The following ATP2B1 variants were observed in gnomAD, a reference collection of about 807,000 sequenced individuals.
The protein encoded by ATP2B1 is plasma membrane calcium-transporting ATPase 1.
In ATP2B1, 14 loss-of-function variants were observed where a neutral mutation model predicts 124.2. That is an observed-to-expected ratio of 0.11 (90% CI 0.07 to 0.18). The LOEUF (loss-of-function observed/expected upper bound fraction) is 0.18, where lower values mean the gene tolerates loss of function less well. ATP2B1 is among the 10% of genes least tolerant of loss of function. The pLI, the probability that ATP2B1 is intolerant of heterozygous loss-of-function variation, is 1.00. For synonymous variants in ATP2B1, 449 were observed against 492.4 expected (o/e 0.91, Z 1.17); for missense variants, 763 against 1,466.1 (o/e 0.52, Z 7.83).
intron 1 of ATP2B1, among the ~76,000 whole-genome samples, chr12:89,686,788 G>A (rs750761056): frequency 1.1e-3 from 160 of 152,114 alleles, no homozygotes; most frequent in Middle Eastern, 6.8e-3. Context: ...ATGCACAGAT[G>A]CACATAAATT....
chr12:89,674,474 C>A (rs1888380994), intron 1 of ATP2B1, among the ~76,000 whole-genome samples: 1 of 151,990 alleles, frequency 6.6e-6, no homozygotes, highest in Admixed American at 6.6e-5. Flanking sequence ...GCAAACACAT[C>A]TCAAAGTACT....
At chr12:89,660,208 C>A (rs1886536321) in intron 1 of ATP2B1, among the ~76,000 whole-genome samples, 1 of 151,968 alleles carries the variant, frequency 6.6e-6, no homozygotes, top group African/African-American at 2.4e-5. Flanking sequence ...CTGAATGATT[C>A]GAAATTTTTG....
At chr12:89,645,804 C>T (rs977204838) in intron 2 of ATP2B1, among the ~76,000 whole-genome samples, 14 of 152,094 alleles carry the variant, frequency 9.2e-5, no homozygotes, top group African/African-American at 3.4e-4. Flanking sequence ...GGCATTCTCA[C>T]CTTAAAGTGC....
chr12:89,610,313 C>T (rs1877756283), intron 14 of ATP2B1, 108 bp downstream of exon 14: 1 of 969,586 alleles, frequency 1.0e-6, no homozygotes, highest in Non-Finnish European at 1.6e-6. Flanking sequence ...TTTATTAAAA[C>T]AGATGATATC....
rs1226908211 is a variant in ATP2B1, at chr12:89,589,282, T to C, written c.*1702A>G. On this transcript the variant is annotated 3_prime_UTR_variant, in exon 21 of 21. Coordinates refer to ENST00000428670, the MANE Select transcript of ATP2B1 (RefSeq NM_001366521.1). ...CGTAAACTTTATGTCAGCCTGAGGA[T>C]TGTGTATCTGGTGAAATCTGGGCCC... is the stretch of plus-strand genomic sequence containing the variant. 1 of 152,466 alleles carries C rather than the reference T, an allele frequency of 6.6e-6. No homozygotes were observed. The highest frequency in any genetic ancestry group is 2.4e-5 in the African/African-American group (1 of 41,400). The allele number at this position is 152,466 out of a possible 1,614,324, so 9.4% of individuals were successfully genotyped here.
At chr12:89,697,564 A>G (rs1891293475) in intron 1 of ATP2B1, among the ~76,000 whole-genome samples, 1 of 152,130 alleles carries the variant, frequency 6.6e-6, no homozygotes, top group African/African-American at 2.4e-5. Flanking sequence ...CAGATGACAT[A>G]TCTGGGTTAT....
chr12:89,604,462 TA>T, intron 15 of ATP2B1, 116 bp from the exon 16 acceptor site: 1 of 695,684 alleles, frequency 1.4e-6, no homozygotes, highest in South Asian at 2.4e-5. Context: ...AAATATTACT[TA>T]AATTTACACT....
intron 1 of ATP2B1, among the ~76,000 whole-genome samples, chr12:89,684,432 G>A (rs1008633099): frequency 2.0e-5 from 3 of 152,180 alleles, no homozygotes; most frequent in African/African-American, 7.2e-5. Flanking sequence ...GAAGAACCCT[G>A]TAAACTGGAC....
At chr12:89,707,801 G>T (rs1020507731) in intron 1 of ATP2B1, among the ~76,000 whole-genome samples, 1 of 152,096 alleles carries the variant, frequency 6.6e-6, no homozygotes, top group Non-Finnish European at 1.5e-5. Flanking sequence ...ACCAGGGGTC[G>T]CTAACCAGCT....
intron 1 of ATP2B1, among the ~76,000 whole-genome samples, chr12:89,659,379 C>CACACAG (rs1886396752): frequency 6.6e-6 from 1 of 151,822 alleles, no homozygotes. Context: ...CACACACACA[C>CACACAG]ACACGCACAA....
At chr12:89,660,324 A>G (rs1382537426) in intron 1 of ATP2B1, among the ~76,000 whole-genome samples, 1 of 152,236 alleles carries the variant, frequency 6.6e-6, no homozygotes, top group East Asian at 1.9e-4. Context: ...ATCTGGACAA[A>G]TGGGAATGAG....
At chr12:89,667,276 T>C (rs140215180) in intron 1 of ATP2B1, among the ~76,000 whole-genome samples, 2 of 152,334 alleles carry the variant, frequency 1.3e-5, no homozygotes, top group Non-Finnish European at 2.9e-5. Context: ...CTTAATTCTG[T>C]GTCACTTGAC....
rs1383474585 is a variant in ATP2B1, at chr12:89,677,993, C to T, written c.-221-21886G>A. Among the ~76,000 whole-genome samples the T allele has an allele frequency of 3.0e-4, 31 of 103,240 alleles. 1 individual carries two copies. The highest frequency in any genetic ancestry group is 4.9e-4 in the African/African-American group (14 of 28,676). The allele number at this position is 103,240 out of a possible 152,430, so 67.7% of individuals were successfully genotyped here. A position where few individuals can be genotyped will look rare whatever the true frequency, so the allele number is the denominator to read the frequency against. On this transcript the variant is annotated intron_variant, in intron 1 of 20. Transcript: ENST00000428670. Reference sequence around the variant, plus strand: ...ATATACACACACACACACACACACACACACACACACACACACACACACACA... The same window carrying T: ...ATATACACACACACACACACACACATACACACACACACACACACACACACA...
intron 3 of ATP2B1, among the ~76,000 whole-genome samples, chr12:89,635,805 C>A (rs1319953643): frequency 6.6e-6 from 1 of 152,124 alleles, no homozygotes; most frequent in Non-Finnish European, 1.5e-5. Flanking sequence ...GCTTTTATAA[C>A]ATGAAAAGTT....
intron 1 of ATP2B1, among the ~76,000 whole-genome samples, chr12:89,660,995 T>C (rs905606395): frequency 5.3e-5 from 8 of 152,146 alleles, no homozygotes; most frequent in Non-Finnish European, 1.2e-4. Context: ...TTACAAAGGG[T>C]CTTAATCCAT....
chr12:89,628,863 C>T (rs181491837), intron 6 of ATP2B1, among the ~76,000 whole-genome samples: 7 of 152,252 alleles, frequency 4.6e-5, no homozygotes, highest in African/African-American at 1.7e-4. Context: ...CAGACGGCCA[C>T]AGTCCAGGCC....
intron 19 of ATP2B1, 30 bp from the exon 20 acceptor site, chr12:89,599,329 A>C: frequency 6.2e-7 from 1 of 1,604,160 alleles, no homozygotes; most frequent in Non-Finnish European, 8.5e-7. Flanking sequence ...ACTTAGAAAT[A>C]AATCATATCA....
chr12:89,644,543 A>G (rs1010164549), intron 2 of ATP2B1, among the ~76,000 whole-genome samples: 23 of 152,024 alleles, frequency 1.5e-4, no homozygotes, highest in South Asian at 4.2e-4. Flanking sequence ...TGAAAAAAAA[A>G]AAGAAAAAAA....
At chr12:89,617,876 G>A (rs1879264203) in intron 11 of ATP2B1, among the ~76,000 whole-genome samples, 3 of 152,172 alleles carry the variant, frequency 2.0e-5, no homozygotes, top group Admixed American at 2.0e-4. Context: ...TCATTTTGAT[G>A]TAAGTCTAAA....
Sources: gnomAD v4.1 joint callset for allele counts (sites outside exome capture counted in the v4.1 genomes callset) on GRCh38, gnomAD v4.1.1 for gene constraint, MANE v1.5 for transcripts, NCBI Gene and HGNC (gene_info 2026-07-23, HGNC 2026-07-21) for gene names.